TASP1: variants seen among roughly 807,000 people sequenced by gnomAD.
The protein encoded by TASP1 is taspase 1.
In TASP1, 16 loss-of-function variants were observed where a neutral mutation model predicts 56.6. The observed-to-expected ratio is 0.28, with a 90% CI of 0.19 to 0.43. TASP1 has a LOEUF of 0.43. TASP1 is among the 20% of genes least tolerant of loss of function. The pLI is 1.00. For synonymous variants in TASP1, 179 were observed against 184.2 expected (o/e 0.97, Z 0.23); for missense variants, 393 against 511.6 (o/e 0.77, Z 2.24).
At chr20:13,516,177 A>C (rs1284297756) in intron 10 of TASP1, among the ~76,000 whole-genome samples, 1 of 152,166 alleles carries the variant, frequency 6.6e-6, no homozygotes, top group East Asian at 1.9e-4. Context: ...AAAAGGCACT[A>C]GTTGTATTTA....
the TASP1 span, chr20:13,165,523 C>A: frequency 6.6e-6 from 1 of 152,188 alleles, no homozygotes; most frequent in Non-Finnish European, 1.5e-5. Context: ...TGCTGGTCTC[C>A]TACAGTTTTA....
chr20:13,275,768 A>T, the TASP1 span, among the ~76,000 whole-genome samples: 3 of 152,224 alleles, frequency 2.0e-5, no homozygotes, highest in Non-Finnish European at 4.4e-5. Flanking sequence ...CTCGTTGGTG[A>T]TGATATTGGA....
chr20:13,562,233 C>A (rs1374569043), intron 7 of TASP1, among the ~76,000 whole-genome samples: 1 of 151,906 alleles, frequency 6.6e-6, no homozygotes, highest in African/African-American at 2.4e-5. Context: ...AATTAATACA[C>A]CAAAACTTAC....
At chr20:13,153,395 CT>C in the TASP1 span, among the ~76,000 whole-genome samples, 3 of 152,146 alleles carry the variant, frequency 2.0e-5, no homozygotes, top group African/African-American at 7.2e-5. Flanking sequence ...TTTTTTCTGG[CT>C]TGGGAAAGCA....
the TASP1 span, among the ~76,000 whole-genome samples, chr20:13,112,155 C>A: frequency 1.7e-3 from 260 of 152,342 alleles, 1 homozygote; most frequent in African/African-American, 5.9e-3. Flanking sequence ...TGTGGACCAA[C>A]TGGGCAGTTC....
At chr20:13,420,332 A>G (rs2146085511) in intron 12 of TASP1, among the ~76,000 whole-genome samples, 1 of 152,342 alleles carries the variant, frequency 6.6e-6, no homozygotes, top group South Asian at 2.1e-4. Context: ...TTAAATGACT[A>G]TTTTTATATG....
chr20:13,284,281 C>T, the TASP1 span, among the ~76,000 whole-genome samples: 1 of 152,206 alleles, frequency 6.6e-6, no homozygotes, highest in East Asian at 1.9e-4. Context: ...CCACAGGACG[C>T]TAGTGCCCTG....
At chr20:13,474,705 C>T (rs1483214727) in intron 11 of TASP1, among the ~76,000 whole-genome samples, 1 of 152,202 alleles carries the variant, frequency 6.6e-6, no homozygotes, top group Admixed American at 6.5e-5. Context: ...TTTAAGGAAT[C>T]TTCATACTGT....
chr20:13,300,028 C>T, the TASP1 span: 19,951 of 152,220 alleles, frequency 0.13, 1,388 homozygotes, highest in East Asian at 0.2. Context: ...ATGTAAACGC[C>T]CACCTTAAAC....
In TASP1 at chr20:13,542,598, T is replaced by A. The variant is rs1396215998; in HGVS notation, c.676-8457A>T. 2.6e-5 allele frequency among the ~76,000 whole-genome samples: 4 copies of A among 152,210 alleles called. 1 individual carries two copies. The South Asian group carries it at 8.3e-4, about 32-fold the overall frequency. On this transcript the variant is annotated intron_variant, in intron 8 of 13. Coordinates refer to ENST00000337743, the MANE Select transcript of TASP1 (RefSeq NM_017714.3). The stretch of plus-strand genomic sequence containing the variant: ...CACAAACTGATCACACGTTAAACCA[T>A]AAACTAAATCATTAACAAATTTCAA...
chr20:13,133,725 C>A, the TASP1 span, among the ~76,000 whole-genome samples: 1 of 152,018 alleles, frequency 6.6e-6, no homozygotes, highest in African/African-American at 2.4e-5. Context: ...AAAGAAGAGA[C>A]CCTGAGCCAG....
intron 8 of TASP1, among the ~76,000 whole-genome samples, chr20:13,539,411 A>G (rs757465304): frequency 6.6e-6 from 1 of 152,160 alleles, no homozygotes; most frequent in Non-Finnish European, 1.5e-5. Flanking sequence ...CCAGCCAGGC[A>G]TGGTGGCACA....
the TASP1 span, among the ~76,000 whole-genome samples, chr20:13,289,664 G>A: frequency 1.0e-5 from 1 of 96,632 alleles, no homozygotes; most frequent in Admixed American, 9.5e-5. Context: ...AAGAGAAGGA[G>A]GAGGAGGAGG....
chr20:13,129,337 G>A, the TASP1 span, among the ~76,000 whole-genome samples: 640 of 152,260 alleles, frequency 4.2e-3, 3 homozygotes, highest in African/African-American at 0.015. Flanking sequence ...ACATTGAAGC[G>A]AGATAGAGTG....
chr20:13,165,134 T>C, the TASP1 span: 1 of 360,280 alleles, frequency 2.8e-6, no homozygotes, highest in East Asian at 5.0e-5. Context: ...CTGAGAATAT[T>C]TTTAATGGCA....
At chr20:13,404,337 T>C (rs1255147176) in intron 13 of TASP1, among the ~76,000 whole-genome samples, 1 of 152,218 alleles carries the variant, frequency 6.6e-6, no homozygotes, top group Non-Finnish European at 1.5e-5. Flanking sequence ...GTGCAGTGGC[T>C]CACACTTGTA....
chr20:13,610,034 A>T (rs2048298488), intron 4 of TASP1, among the ~76,000 whole-genome samples: 1 of 152,236 alleles, frequency 6.6e-6, no homozygotes, highest in Non-Finnish European at 1.5e-5. Flanking sequence ...AAATGGCATG[A>T]TTCTATCAAT....
chr20:13,615,140 C>A (rs1019438580), intron 4 of TASP1, among the ~76,000 whole-genome samples: 1 of 152,126 alleles, frequency 6.6e-6, no homozygotes, highest in Non-Finnish European at 1.5e-5. Context: ...AATAAAAAGA[C>A]TTCCAACCCA....
chr20:13,136,985 A>G, the TASP1 span, among the ~76,000 whole-genome samples: 1 of 152,142 alleles, frequency 6.6e-6, no homozygotes, highest in African/African-American at 2.4e-5. Flanking sequence ...CAAGCCTATC[A>G]TAGAATGGAA....
Sources: allele counts gnomAD v4.1 joint callset (sites outside exome capture counted in the v4.1 genomes callset), GRCh38; gene constraint gnomAD v4.1.1; transcripts MANE v1.5; gene names NCBI Gene and HGNC (gene_info 2026-07-23, HGNC 2026-07-21).